Variants in DCAF8L2 observed in about 807,000 individuals in gnomAD.
DCAF8L2 encodes the protein DDB1 and CUL4 associated factor 8 like 2.
For synonymous variants in DCAF8L2, 200 were observed against 190.9 expected, an observed-to-expected ratio of 1.05 and a Z score of -0.39; for missense variants, 430 against 490.7, an observed-to-expected ratio of 0.88 and a Z score of 1.17.
Position 27,643,120 on chromosome X carries a change from G to C in DCAF8L2, c.-220+11120G>C, listed in dbSNP as rs1165957247. ...AGTAGTGAGATTGCTGGATCATATG[G>C]TAGTTTGATTTTTAATTTTTTGAAG... On this transcript the variant is annotated intron_variant, in intron 2 of 4. Transcript: ENST00000451261. Among the ~76,000 whole-genome samples the C allele has an allele frequency of 2.7e-5, 3 of 111,978 alleles. No individual in the cohort carries two copies. In the East Asian group the frequency reaches 8.4e-4, roughly 31 times the overall value.
chrX:27,495,910 T>G, the DCAF8L2 span, among the ~76,000 whole-genome samples: 1 of 112,155 alleles, frequency 8.9e-6, no homozygotes, highest in South Asian at 3.7e-4. Flanking sequence ...CATTGTCTTT[T>G]AAATTTGTAT....
chrX:27,622,023 A>G (rs1387722821), intron 1 of DCAF8L2, among the ~76,000 whole-genome samples: 1 of 109,634 alleles, frequency 9.1e-6, no homozygotes, highest in African/African-American at 3.4e-5. Flanking sequence ...AAAAGATGTT[A>G]GTAAGAATAT....
chrX:27,625,841 G>T (rs777306716), intron 1 of DCAF8L2, among the ~76,000 whole-genome samples: 1 of 110,651 alleles, frequency 9.0e-6, no homozygotes, highest in East Asian at 2.9e-4. Flanking sequence ...AGGAACAATA[G>T]ACATCTGAGC....
chrX:27,671,114 C>T (rs970328512), intron 2 of DCAF8L2, among the ~76,000 whole-genome samples: 23 of 111,403 alleles, frequency 2.1e-4, no homozygotes, highest in Non-Finnish European at 2.8e-4. Flanking sequence ...GTCCAAAATA[C>T]AGAGGATTCT....
chrX:27,639,096 G>A (rs749219844), intron 2 of DCAF8L2, among the ~76,000 whole-genome samples: 4 of 111,978 alleles, frequency 3.6e-5, no homozygotes, highest in African/African-American at 1.3e-4. Context: ...GTACAATGGG[G>A]TACTATTCAG....
the DCAF8L2 span, among the ~76,000 whole-genome samples, chrX:27,524,690 C>T: frequency 9.0e-6 from 1 of 111,566 alleles, no homozygotes; most frequent in Admixed American, 9.6e-5. Context: ...TCCCTCTACA[C>T]ACTGCTTTGA....
At chrX:27,586,724 G>A (rs956579455), upstream of DCAF8L2, among the ~76,000 whole-genome samples, 22 of 110,500 alleles carry the variant, frequency 2.0e-4, no homozygotes, top group African/African-American at 7.3e-4. Context: ...CTTTGCTCTT[G>A]GTGCTAAAAA....
rs1313415937 is a variant in DCAF8L2, at chrX:27,746,616, T to C, written c.-58-222T>C. On this transcript the variant is annotated intron_variant, in intron 4 of 4. Coordinates refer to ENST00000451261, the MANE Select transcript of DCAF8L2 (RefSeq NM_001353450.2). ...AGCTACTCACAGTGTAAGATGCCTG[T>C]CGGGGTGGGGCTCTGGGCCTGGAAA... Among the ~76,000 whole-genome samples the C allele has an allele frequency of 9.8e-5, 11 of 111,785 alleles. No individual in the cohort carries two copies. The South Asian group carries it at 1.5e-3, about 15-fold the overall frequency.
intron 2 of DCAF8L2, among the ~76,000 whole-genome samples, chrX:27,649,620 G>A (rs1484988816): frequency 1.8e-5 from 2 of 109,768 alleles, no homozygotes; most frequent in South Asian, 7.5e-4. Flanking sequence ...TTTGAGAAGC[G>A]TCTGTCCTTT....
intron 3 of DCAF8L2, among the ~76,000 whole-genome samples, chrX:27,708,533 C>G (rs1374388899): frequency 1.8e-5 from 2 of 111,996 alleles, no homozygotes; most frequent in Non-Finnish European, 3.8e-5. Flanking sequence ...GATGTATTTT[C>G]AATCTTGTAT....
chrX:27,563,020 T>C, the DCAF8L2 span, among the ~76,000 whole-genome samples: 2 of 112,037 alleles, frequency 1.8e-5, no homozygotes, highest in East Asian at 2.8e-4. Flanking sequence ...CATTCAACAA[T>C]TGGGGCATGA....
chrX:27,514,601 G>A, the DCAF8L2 span, among the ~76,000 whole-genome samples: 3 of 92,741 alleles, frequency 3.2e-5, no homozygotes, highest in African/African-American at 8.0e-5. Context: ...CCCGGGAGGC[G>A]GAGCTTGCAG....
At chrX:27,586,606 C>T (rs1448045764), upstream of DCAF8L2, among the ~76,000 whole-genome samples, 2 of 111,299 alleles carry the variant, frequency 1.8e-5, no homozygotes, top group Non-Finnish European at 3.8e-5. Context: ...TCATAATTAA[C>T]GTGCTTTCCT....
At chrX:27,654,705 G>GAA (rs1175299309) in intron 2 of DCAF8L2, among the ~76,000 whole-genome samples, 1 of 111,261 alleles carries the variant, frequency 9.0e-6, no homozygotes, top group Non-Finnish European at 1.9e-5. Context: ...CACTGCTACA[G>GAA]AAAAAAATTT....
the DCAF8L2 span, among the ~76,000 whole-genome samples, chrX:27,523,994 CGTT>C: frequency 8.3e-4 from 93 of 111,774 alleles, 1 homozygote; most frequent in African/African-American, 2.7e-3. Flanking sequence ...AAGTCTCTTT[CGTT>C]GTTGTGTCTT....
At chrX:27,679,592 C>T (rs758641077) in intron 3 of DCAF8L2, among the ~76,000 whole-genome samples, 43 of 110,963 alleles carry the variant, frequency 3.9e-4, no homozygotes, top group Non-Finnish European at 7.4e-4. Flanking sequence ...CATTGTTCCC[C>T]GGGCCAAATA....
chrX:27,478,715 T>A, the DCAF8L2 span, among the ~76,000 whole-genome samples: 1 of 112,267 alleles, frequency 8.9e-6, no homozygotes, highest in East Asian at 2.8e-4. Context: ...AAAGTGGAAA[T>A]AAATCCTAAG....
At chrX:27,688,574 T>C (rs1224509485) in intron 3 of DCAF8L2, among the ~76,000 whole-genome samples, 1 of 104,819 alleles carries the variant, frequency 9.5e-6, no homozygotes, top group Non-Finnish European at 1.9e-5. Flanking sequence ...ATTCAAAAAA[T>C]AGTAGCTTTT....
intron 3 of DCAF8L2, among the ~76,000 whole-genome samples, chrX:27,690,849 T>C (rs1930688158): frequency 8.9e-6 from 1 of 111,882 alleles, no homozygotes; most frequent in Non-Finnish European, 1.9e-5. Flanking sequence ...CAAAAAGTCA[T>C]TTTTTAGAAC....
Sources: gnomAD v4.1 joint callset for allele counts (sites outside exome capture counted in the v4.1 genomes callset) on GRCh38, gnomAD v4.1.1 for gene constraint, MANE v1.5 for transcripts, NCBI Gene and HGNC (gene_info 2026-07-23, HGNC 2026-07-21) for gene names.